The following MAP6 variants were observed in gnomAD, a reference collection of about 807,000 sequenced individuals.
MAP6 encodes microtubule-associated protein 6.
A neutral mutation model predicts 42.4 loss-of-function variants in MAP6; 26 were observed. The ratio of observed to expected loss-of-function variants is 0.61; its 90% CI spans 0.45 to 0.85. MAP6 has a LOEUF of 0.85. MAP6 is among the 40% of genes least tolerant of loss of function. The pLI, the probability that MAP6 is intolerant of heterozygous loss-of-function variation, is 0.00. For missense variants in MAP6, 966 were observed against 1,099.0 expected (o/e 0.88, Z 1.71); for synonymous variants, 418 against 443.8 (o/e 0.94, Z 0.73).
chr11:75,639,401 T>C (rs571265041), intron 1 of MAP6, among the ~76,000 whole-genome samples: 39 of 152,204 alleles, frequency 2.6e-4, no homozygotes, highest in Non-Finnish European at 5.0e-4. Context: ...TCAAAGCTGC[T>C]GAATACAAAC....
rs1468161752 is a variant in MAP6, at chr11:75,658,340, C to A, written c.905+9125G>T. On this transcript the variant is annotated intron_variant, in intron 1 of 3. Coordinates refer to ENST00000304771, the MANE Select transcript of MAP6 (RefSeq NM_033063.2). ...CTCCATGTAGACCTTCCAAAGACAC[C>A]CCAAACTCAACTTACCCAAAACTGT... is the stretch of plus-strand genomic sequence containing the variant. Among the ~76,000 whole-genome samples the A allele has an allele frequency of 2.6e-5, 4 of 151,950 alleles. No individual in the cohort carries two copies. The East Asian group carries it at 5.8e-4, about 22-fold the overall frequency.
At chr11:75,632,696 G>A (rs1943303263) in intron 1 of MAP6, among the ~76,000 whole-genome samples, 1 of 152,176 alleles carries the variant, frequency 6.6e-6, no homozygotes, top group South Asian at 2.1e-4. Flanking sequence ...GGAAGAGCAT[G>A]ATAAGAACAG....
intron 3 of MAP6, among the ~76,000 whole-genome samples, chr11:75,592,063 T>C (rs916279641): frequency 6.6e-6 from 1 of 152,234 alleles, no homozygotes; most frequent in African/African-American, 2.4e-5. Context: ...CCCTGCATCA[T>C]CCTCTCATGC....
chr11:75,601,119 C>CA (rs1037692534), intron 3 of MAP6, among the ~76,000 whole-genome samples: 1 of 152,210 alleles, frequency 6.6e-6, no homozygotes, highest in South Asian at 2.1e-4. Flanking sequence ...GCAGCACTGA[C>CA]AAAGCTGGCA....
At chr11:75,594,233 C>G (rs899074228) in intron 3 of MAP6, 3 of 152,274 alleles carry the variant, frequency 2.0e-5, no homozygotes, top group Non-Finnish European at 4.4e-5. Flanking sequence ...AGGAGGGGAA[C>G]AGCGAAGCCC....
At chr11:75,666,495 T>A (rs71467889) in intron 1 of MAP6, among the ~76,000 whole-genome samples, 8,167 of 151,914 alleles carry the variant, frequency 0.054, 309 homozygotes, top group Middle Eastern at 0.12. Flanking sequence ...CTGGAGAACA[T>A]GTAGGGAAAG....
At position 75,618,744 on chromosome 11, in the gene MAP6, T is replaced by C. The variant is rs78452531; in HGVS notation, c.906-10422A>G. Among the ~76,000 whole-genome samples, 620 of 152,264 alleles carry C rather than the reference T, an allele frequency of 4.1e-3. 3 individuals carry two copies. Among genetic ancestry groups the C allele is most frequent in the African/African-American group, 0.014 (600 of 41,554 alleles). On this transcript the variant is annotated intron_variant, in intron 1 of 3. Transcript: ENST00000304771. ...TCGAGACCGGCAGACCTCCATCTGG[T>C]CCCTGCCCTGGCCAGAGGCCCCCCT...
intron 3 of MAP6, among the ~76,000 whole-genome samples, chr11:75,591,372 T>G (rs1942473880): frequency 6.6e-6 from 1 of 152,202 alleles, no homozygotes; most frequent in Non-Finnish European, 1.5e-5. Context: ...GCCTGGACAG[T>G]TTTTCTATGC....
In MAP6 at chr11:75,668,202, C is replaced by G. The variant is rs533630603; in HGVS notation, c.168G>C (p.Ala56=). 6.8e-3 allele frequency: 8,631 copies of G among 1,264,352 alleles called. 37 individuals are homozygous for G. The highest frequency in any genetic ancestry group is 7.8e-3 in the Non-Finnish European group (7,887 of 1,013,270). 78.3% of individuals were successfully genotyped at this position (1,264,352 alleles called of 1,614,324 possible). ...CCGCGCGCGCCGAGGGGGGCGCGAG[C>G]GCCGGCTGCGCCTGCTGCTGCGGCG... The part of the protein sequence containing the change: ...PPPPQQQAQP[A]LAPPSARAVA... The change falls in exon 1 of 4, where the codon GCG becomes GCC. Residue 56 remains alanine (A), a synonymous_variant. Coordinates refer to ENST00000304771, the MANE Select transcript of MAP6 (RefSeq NM_033063.2).
intron 1 of MAP6, among the ~76,000 whole-genome samples, chr11:75,610,340 C>T (rs1942871377): frequency 6.6e-6 from 1 of 152,266 alleles, no homozygotes; most frequent in Non-Finnish European, 1.5e-5. Flanking sequence ...TCCTCCTGGA[C>T]TCCCTCATCA....
chr11:75,587,906 G>A lies in MAP6; in HGVS notation c.1595C>T (p.Ser532Leu), dbSNP rs142764552. The change falls in exon 4 of 4, where the codon TCG becomes TTG. Residue 532 changes from serine (S) to leucine (L), a missense_variant. Coordinates refer to ENST00000304771, the MANE Select transcript of MAP6 (RefSeq NM_033063.2). ...ISAPVKDQGP[S>L]VPVPPKNQSP... ...TTGATTCTTTGGAGGAACTGGGACC[G>A]AGGGACCTTGGTCCTTGACTGGTGC... The A allele has an allele frequency of 8.7e-6, 14 of 1,613,912 alleles. No homozygotes were observed. In the African/African-American group the frequency reaches 1.1e-4, roughly 12 times the overall value.
chr11:75,641,162 T>G (rs1253181868), intron 1 of MAP6, among the ~76,000 whole-genome samples: 1 of 152,000 alleles, frequency 6.6e-6, no homozygotes, highest in African/African-American at 2.4e-5. Flanking sequence ...CCATAAAAAA[T>G]GATGAGTTCA....
intron 2 of MAP6, among the ~76,000 whole-genome samples, chr11:75,606,477 C>T (rs1439876695): frequency 6.6e-6 from 1 of 152,238 alleles, no homozygotes; most frequent in Non-Finnish European, 1.5e-5. Flanking sequence ...ACAGGCTGCT[C>T]TGCCACCCAA....
At chr11:75,590,970 GA>G (rs34060915) in intron 3 of MAP6, among the ~76,000 whole-genome samples, 28,964 of 144,894 alleles carry the variant, frequency 0.2, 3,140 homozygotes, top group East Asian at 0.29. Context: ...CTGGCTCCAG[GA>G]AAAAAAAAAA....
At chr11:75,632,981 CTGT>C (rs1364907980) in intron 1 of MAP6, among the ~76,000 whole-genome samples, 1 of 151,322 alleles carries the variant, frequency 6.6e-6, no homozygotes, top group Non-Finnish European at 1.5e-5. Context: ...GTTGTTGTTG[CTGT>C]TGTTTCTTTT....
intron 3 of MAP6, chr11:75,604,590 C>T: frequency 3.0e-6 from 3 of 984,812 alleles, no homozygotes; most frequent in Non-Finnish European, 3.6e-6. Context: ...CCCTCACAAG[C>T]ACTGGGGTTT....
chr11:75,667,802 TGGGCGCCGACGCCTG>T lies in MAP6; in HGVS notation c.553_567del (p.Gln185_Pro189del). On this transcript the variant is annotated inframe_deletion, in exon 1 of 4. Coordinates refer to ENST00000304771, the MANE Select transcript of MAP6 (RefSeq NM_033063.2). The surrounding 1 kb of genome is among the most constrained non-coding windows in gnomAD (Gnocchi z 5.6). ...GGCCGGCGCTTGGGCGCCCCGAGAA[TGGGCGCCGACGCCTG>T]GGAGGCCGCAGAGATCTGCACGGGC... The T allele has an allele frequency of 7.6e-7, 1 of 1,309,818 alleles. No individual in the cohort carries two copies. 81.1% of individuals were successfully genotyped at this position (1,309,818 alleles called of 1,614,324 possible). A position where few individuals can be genotyped will look rare whatever the true frequency, so the allele number is the denominator to read the frequency against.
Position 75,587,434 on chromosome 11 carries a change from C to T in MAP6, c.2067G>A (p.Glu689=). 1.2e-6 allele frequency: 2 copies of T among 1,614,118 alleles called. No individual in the cohort carries two copies. The highest frequency in any genetic ancestry group is 8.5e-7 in the Non-Finnish European group (1 of 1,180,008). The change falls in exon 4 of 4, where the codon GAG becomes GAA. Residue 689 remains glutamate, a synonymous_variant. Coordinates refer to ENST00000304771, the MANE Select transcript of MAP6 (RefSeq NM_033063.2). ...CTGCAGAATCGTGAACCTTTGCATGCTCTGGGACTACAACATCTTGATCCT... is the reference window on the plus strand; with the variant it reads ...CTGCAGAATCGTGAACCTTTGCATGTTCTGGGACTACAACATCTTGATCCT... ...PVKDQDVVVP[E]HAKVHDSAVV...
intron 1 of MAP6, among the ~76,000 whole-genome samples, 173 bp from the exon 2 acceptor site, chr11:75,608,495 T>G (rs551099280): frequency 5.3e-5 from 8 of 152,352 alleles, no homozygotes; most frequent in African/African-American, 1.7e-4. Context: ...GTCTCCCTTC[T>G]TGCAAAGTTG....
Sources: allele counts gnomAD v4.1 joint callset (sites outside exome capture counted in the v4.1 genomes callset), GRCh38; gene constraint gnomAD v4.1.1; non-coding constraint Gnocchi (gnomAD v3.1); transcripts MANE v1.5; gene names NCBI Gene and HGNC (gene_info 2026-07-23, HGNC 2026-07-21).